The following BABAM2 variants were observed in gnomAD, a reference collection of about 807,000 sequenced individuals.
BABAM2 encodes the protein BRISC and BRCA1 A complex member 2, also known as BRISC and BRCA1-A complex member 2.
Under a neutral mutation model 54.7 loss-of-function variants are expected in BABAM2, and 31 were observed. The ratio of observed to expected loss-of-function variants is 0.57; its 90% CI spans 0.43 to 0.77. The LOEUF is 0.77. BABAM2 is among the 30% of genes least tolerant of loss of function. The probability of loss-of-function intolerance (pLI) is 0.00; values close to 1 mark genes in which losing one functional copy is unlikely to be tolerated. For synonymous variants in BABAM2, 167 were observed against 162.9 expected (o/e 1.03, Z -0.19); for missense variants, 364 against 455.8 (o/e 0.80, Z 1.83).
intron 3 of BABAM2, among the ~76,000 whole-genome samples, chr2:27,968,568 G>A (rs1428796014): frequency 6.6e-6 from 1 of 152,172 alleles, no homozygotes; most frequent in Non-Finnish European, 1.5e-5. Context: ...TGAGAAGAGG[G>A]CTACCATCCT....
At chr2:28,041,893 A>G (rs541358678) in intron 5 of BABAM2, among the ~76,000 whole-genome samples, 1 of 152,184 alleles carries the variant, frequency 6.6e-6, no homozygotes, top group Non-Finnish European at 1.5e-5. Flanking sequence ...AAGGGCTGAC[A>G]GAGTTAGGGG....
intron 7 of BABAM2, among the ~76,000 whole-genome samples, chr2:28,220,569 C>T (rs1680308501): frequency 6.6e-6 from 1 of 151,890 alleles, no homozygotes; most frequent in African/African-American, 2.4e-5. Flanking sequence ...ATCTCTGTCT[C>T]TCGTATTACA....
chr2:28,096,272 G>A (rs1344941157), intron 6 of BABAM2, among the ~76,000 whole-genome samples: 1 of 151,928 alleles, frequency 6.6e-6, no homozygotes, highest in Non-Finnish European at 1.5e-5. Context: ...GTTTTAAAAA[G>A]TGAATTGTGC....
intron 4 of BABAM2, among the ~76,000 whole-genome samples, chr2:28,017,352 ATGT>A (rs35526001): frequency 0.65 from 98,467 of 151,640 alleles, 33,771 homozygotes; most frequent in Middle Eastern, 0.8. Context: ...GAAATGTAAA[ATGT>A]TGTTGGTGAT....
intron 3 of BABAM2, among the ~76,000 whole-genome samples, chr2:27,964,821 C>G (rs1362809065): frequency 6.6e-6 from 1 of 152,178 alleles, no homozygotes; most frequent in Non-Finnish European, 1.5e-5. Flanking sequence ...TGGATTCTTT[C>G]TACTCATCAC....
intron 6 of BABAM2, among the ~76,000 whole-genome samples, chr2:28,064,249 T>C (rs959815241): frequency 2.0e-5 from 3 of 152,224 alleles, no homozygotes; most frequent in Admixed American, 2.0e-4. Flanking sequence ...TGGAACTTAG[T>C]TTGCTACTAC....
chr2:28,020,988 C>CAT (rs1356944580), intron 4 of BABAM2, among the ~76,000 whole-genome samples: 1 of 150,582 alleles, frequency 6.6e-6, no homozygotes, highest in East Asian at 1.9e-4. Flanking sequence ...CACACACACA[C>CAT]ACAAACTACT....
intron 10 of BABAM2, among the ~76,000 whole-genome samples, chr2:28,246,969 A>G (rs761501224): frequency 7.9e-5 from 12 of 152,172 alleles, no homozygotes; most frequent in Admixed American, 2.6e-4. Context: ...TGTGTTCAGT[A>G]TTTCTTACAG....
intron 6 of BABAM2, among the ~76,000 whole-genome samples, chr2:28,128,129 G>A (rs1421060836): frequency 1.3e-5 from 2 of 152,104 alleles, no homozygotes; most frequent in African/African-American, 4.8e-5. Flanking sequence ...GAGTCTTAAA[G>A]TCTAGGTGTG....
chr2:28,188,023 A>AC, intron 7 of BABAM2, among the ~76,000 whole-genome samples: 1 of 152,140 alleles, frequency 6.6e-6, no homozygotes, highest in African/African-American at 2.4e-5. Flanking sequence ...AAAGGACTCA[A>AC]GTATTTTTCC....
At chr2:28,176,693 C>A (rs1675027296) in intron 7 of BABAM2, among the ~76,000 whole-genome samples, 1 of 148,186 alleles carries the variant, frequency 6.7e-6, no homozygotes, top group African/African-American at 2.5e-5. Context: ...AGATAGATAT[C>A]CTTAAAAAGA....
chr2:28,066,761 A>G (rs1272892357), intron 6 of BABAM2, among the ~76,000 whole-genome samples: 2 of 152,216 alleles, frequency 1.3e-5, no homozygotes, highest in Non-Finnish European at 2.9e-5. Flanking sequence ...AAGCAATCCA[A>G]GGAAGAGTGA....
chr2:28,215,315 T>C (rs1022333166), intron 7 of BABAM2, among the ~76,000 whole-genome samples: 3 of 152,184 alleles, frequency 2.0e-5, no homozygotes, highest in Non-Finnish European at 4.4e-5. Flanking sequence ...AGCCTCAGTT[T>C]CCTCAACTTT....
Position 28,079,839 on chromosome 2 carries a change from A to G in BABAM2, c.570+34040A>G, listed in dbSNP as rs150255314. Reference sequence around the variant, plus strand: ...AAACTGTTAGGGTTTACGTTTTCACATAAACTCTTTGAAAAAGCCGGAATT... The same window carrying G: ...AAACTGTTAGGGTTTACGTTTTCACGTAAACTCTTTGAAAAAGCCGGAATT... On this transcript the variant is annotated intron_variant, in intron 6 of 11. Transcript: ENST00000379624. Among the ~76,000 whole-genome samples the G allele has an allele frequency of 4.6e-3, 700 of 152,300 alleles. 2 individuals are homozygous for G. The highest frequency in any genetic ancestry group is 0.016 in the African/African-American group (674 of 41,580).
intron 3 of BABAM2, among the ~76,000 whole-genome samples, chr2:27,953,168 C>A (rs1195785299): frequency 6.6e-6 from 1 of 151,848 alleles, no homozygotes; most frequent in Non-Finnish European, 1.5e-5. Flanking sequence ...GCCACTATGT[C>A]TGGCTAATTT....
chr2:28,039,297 T>C (rs1244697011), intron 5 of BABAM2, among the ~76,000 whole-genome samples: 1 of 152,256 alleles, frequency 6.6e-6, no homozygotes, highest in Non-Finnish European at 1.5e-5. Flanking sequence ...CATTTCTAAG[T>C]ATAAATGAAT....
At chr2:28,242,495 T>C (rs1490874046) in intron 9 of BABAM2, among the ~76,000 whole-genome samples, 1 of 152,216 alleles carries the variant, frequency 6.6e-6, no homozygotes, top group Non-Finnish European at 1.5e-5. Context: ...CTTTAGAAGA[T>C]AGAACATTCT....
intron 6 of BABAM2, among the ~76,000 whole-genome samples, chr2:28,080,659 G>A (rs944956258): frequency 1.3e-5 from 2 of 152,138 alleles, no homozygotes; most frequent in African/African-American, 4.8e-5. Context: ...ATTGTTAAGA[G>A]CATGGTTCAA....
chr2:27,973,579 T>C (rs1671377675), intron 3 of BABAM2, among the ~76,000 whole-genome samples: 1 of 151,998 alleles, frequency 6.6e-6, no homozygotes, highest in Admixed American at 6.6e-5. Flanking sequence ...TATAAAAACA[T>C]GGGGAGGGAA....
Sources: allele counts gnomAD v4.1 joint callset (sites outside exome capture counted in the v4.1 genomes callset), GRCh38; gene constraint gnomAD v4.1.1; transcripts MANE v1.5; gene names NCBI Gene and HGNC (gene_info 2026-07-23, HGNC 2026-07-21).